PRKN: variants seen among roughly 807,000 people sequenced by gnomAD.
The protein encoded by PRKN is parkin RBR E3 ubiquitin protein ligase.
Under a neutral mutation model 59.5 loss-of-function variants are expected in PRKN, and 56 were observed. That is an observed-to-expected ratio of 0.94 (90% CI 0.76 to 1.18). The LOEUF is 1.18. Ranked by LOEUF, PRKN falls within the 50% of genes most tolerant of loss-of-function variation. The pLI is 0.00. For synonymous variants in PRKN, 250 were observed against 222.1 expected (o/e 1.13, Z -1.12); for missense variants, 657 against 596.4 (o/e 1.10, Z -1.06).
intron 9 of PRKN, among the ~76,000 whole-genome samples, chr6:161,520,123 C>T (rs1778763425): frequency 6.6e-6 from 1 of 151,834 alleles, no homozygotes; most frequent in South Asian, 2.1e-4. Context: ...GAAGGCCATG[C>T]TTATGAGTCT....
intron 9 of PRKN, among the ~76,000 whole-genome samples, chr6:161,521,508 T>C (rs1385406276): frequency 1.3e-5 from 2 of 152,236 alleles, no homozygotes; most frequent in Non-Finnish European, 2.9e-5. Context: ...CATGTCATTT[T>C]CATATTTGAG....
intron 5 of PRKN, among the ~76,000 whole-genome samples, chr6:162,021,461 A>ATATATATTTTTTT (rs59250759): frequency 4.1e-5 from 1 of 24,650 alleles, no homozygotes; most frequent in African/African-American, 9.2e-5. Flanking sequence ...ATATATATAT[A>ATATATATTTTTTT]TTTTTTTTTT....
intron 2 of PRKN, among the ~76,000 whole-genome samples, chr6:162,397,712 T>C (rs1409517308): frequency 1.3e-5 from 2 of 152,140 alleles, no homozygotes; most frequent in Non-Finnish European, 2.9e-5. Context: ...CCCATTTTTA[T>C]TGAGGCAGAA....
At chr6:162,596,059 G>T (rs933283491) in intron 1 of PRKN, among the ~76,000 whole-genome samples, 2 of 151,266 alleles carry the variant, frequency 1.3e-5, no homozygotes, top group Non-Finnish European at 2.9e-5. Flanking sequence ...GTAATAATAA[G>T]ACTGTAACAA....
At chr6:162,096,021 C>CAT (rs1305372187) in intron 4 of PRKN, among the ~76,000 whole-genome samples, 1 of 152,114 alleles carries the variant, frequency 6.6e-6, no homozygotes, top group Non-Finnish European at 1.5e-5. Context: ...AAAATGTGTC[C>CAT]ATACAGGGAA....
In PRKN at chr6:162,351,830, G is replaced by A. The variant is rs548153402; in HGVS notation, c.172-89065C>T. Among the ~76,000 whole-genome samples, 10 of 152,092 alleles carry A rather than the reference G, an allele frequency of 6.6e-5. No homozygotes were observed. The East Asian group carries it at 1.9e-3, about 29-fold the overall frequency. The stretch of plus-strand genomic sequence containing the variant: ...TATATACCCTGAGGTTTTTGTGTGT[G>A]TTTGTGTGTGTGTGTGTATGGGTGT... On this transcript the variant is annotated intron_variant, in intron 2 of 11. Transcript: ENST00000366898.
At chr6:161,758,310 C>G in intron 7 of PRKN, among the ~76,000 whole-genome samples, 1 of 152,070 alleles carries the variant, frequency 6.6e-6, no homozygotes, top group East Asian at 1.9e-4. Context: ...TGCCTGGCAA[C>G]TGGAAACAAG....
At chr6:161,733,780 AAAAATATATATATATATGT>A (rs1787822390) in intron 7 of PRKN, among the ~76,000 whole-genome samples, 1 of 84,798 alleles carries the variant, frequency 1.2e-5, no homozygotes, top group Non-Finnish European at 2.0e-5. Context: ...GAAAAAAAAA[AAAAATATATATATATATGT>A]ATATATATAT....
chr6:162,163,766 C>G (rs1782859186), intron 4 of PRKN, among the ~76,000 whole-genome samples: 1 of 148,400 alleles, frequency 6.7e-6, no homozygotes, highest in Admixed American at 6.7e-5. Flanking sequence ...AGGGAGGGAG[C>G]GCCTTGCACA....
intron 7 of PRKN, among the ~76,000 whole-genome samples, chr6:161,712,870 G>A (rs1219041022): frequency 6.6e-6 from 1 of 152,136 alleles, no homozygotes; most frequent in Non-Finnish European, 1.5e-5. Flanking sequence ...CCAGATGGTG[G>A]TGGGGGGGAC....
intron 2 of PRKN, among the ~76,000 whole-genome samples, chr6:162,313,669 G>A (rs534731661): frequency 1.2e-4 from 18 of 151,984 alleles, no homozygotes; most frequent in Admixed American, 1.0e-3. Context: ...TGTATTTTTA[G>A]TAGAGATGGG....
rs146898657 is a variant in PRKN at position 161,897,314 on chromosome 6, T to C, written c.734+75988A>G. Among the ~76,000 whole-genome samples, 275 of 152,326 alleles carry C rather than the reference T, an allele frequency of 1.8e-3. 1 individual carries two copies. Among genetic ancestry groups the C allele is most frequent in the African/African-American group, 6.4e-3 (267 of 41,580 alleles). On this transcript the variant is annotated intron_variant, in intron 6 of 11. Coordinates refer to ENST00000366898, the MANE Select transcript of PRKN (RefSeq NM_004562.3). ...AGAGCAGCTGGTGTTTCATGCTTCT[T>C]CTCTCCTATCATCCCTCTCATTCAA... is the stretch of plus-strand genomic sequence containing the variant.
At chr6:162,514,212 T>G (rs1343369925) in intron 1 of PRKN, among the ~76,000 whole-genome samples, 1 of 152,140 alleles carries the variant, frequency 6.6e-6, no homozygotes, top group East Asian at 1.9e-4. Flanking sequence ...TAAGACTAAT[T>G]TCTTCTCTTT....
chr6:162,190,423 C>T (rs1173329069), intron 4 of PRKN, among the ~76,000 whole-genome samples: 3 of 152,180 alleles, frequency 2.0e-5, no homozygotes, highest in Non-Finnish European at 4.4e-5. Context: ...TCAACTCTCC[C>T]TCAACCTTAT....
intron 4 of PRKN, among the ~76,000 whole-genome samples, chr6:162,156,569 G>C (rs922938443): frequency 1.3e-5 from 2 of 152,086 alleles, no homozygotes; most frequent in Non-Finnish European, 2.9e-5. Context: ...GATGGAGGCC[G>C]GAAGACTCAG....
rs1056197544 is a variant in PRKN at position 161,462,806 on chromosome 6, G to C, written c.1084-75929C>G. ...AGAATACACTTTCATCCCAAAATTG[G>C]CATACTTTAAATAATCCATGATTTT... On this transcript the variant is annotated intron_variant, in intron 9 of 11. Coordinates refer to ENST00000366898, the MANE Select transcript of PRKN (RefSeq NM_004562.3). The surrounding 1 kb of genome is among the most constrained non-coding windows in gnomAD (Gnocchi z 4.5). Among the ~76,000 whole-genome samples, 6 of 152,056 alleles carry C rather than the reference G, an allele frequency of 3.9e-5. No homozygotes were observed. The highest frequency in any genetic ancestry group is 1.3e-4 in the Admixed American group (2 of 15,274).
At chr6:161,870,496 T>C (rs1450489429) in intron 6 of PRKN, among the ~76,000 whole-genome samples, 1 of 152,164 alleles carries the variant, frequency 6.6e-6, no homozygotes, top group African/African-American at 2.4e-5. Flanking sequence ...ATGTTCTTCT[T>C]TTTAGAATTA....
At chr6:162,516,268 T>G (rs1777850780) in intron 1 of PRKN, among the ~76,000 whole-genome samples, 1 of 152,148 alleles carries the variant, frequency 6.6e-6, no homozygotes, top group African/African-American at 2.4e-5. Flanking sequence ...ACCCTTGAAC[T>G]CCCAGCTCCT....
chr6:161,807,556 C>T (rs940679699), intron 6 of PRKN, among the ~76,000 whole-genome samples: 8 of 152,206 alleles, frequency 5.3e-5, no homozygotes, highest in Non-Finnish European at 7.3e-5. Flanking sequence ...GGCCACGCTT[C>T]GTCTGAAACC....
Sources: allele counts gnomAD v4.1 joint callset (sites outside exome capture counted in the v4.1 genomes callset), GRCh38; gene constraint gnomAD v4.1.1; non-coding constraint Gnocchi (gnomAD v3.1); transcripts MANE v1.5; gene names NCBI Gene and HGNC (gene_info 2026-07-23, HGNC 2026-07-21).